Variants in GRAMD1B observed in about 807,000 individuals in gnomAD.
GRAMD1B encodes protein Aster-B.
GRAMD1B carries 37 observed loss-of-function variants against 99.7 expected under a neutral mutation model. That is an observed-to-expected ratio of 0.37 (90% CI 0.29 to 0.49). GRAMD1B has a LOEUF of 0.49. Among genes scored for constraint, GRAMD1B ranks in the 20% least tolerant of loss-of-function variants. GRAMD1B has a pLI of 0.98. For missense variants in GRAMD1B, 888 were observed against 1,009.2 expected, an observed-to-expected ratio of 0.88 and a Z score of 1.63; for synonymous variants, 427 against 387.6, an observed-to-expected ratio of 1.10 and a Z score of -1.19.
intron 1 of GRAMD1B, among the ~76,000 whole-genome samples, chr11:123,461,254 G>T (rs957176571): frequency 1.3e-5 from 2 of 152,214 alleles, no homozygotes; most frequent in African/African-American, 4.8e-5. Flanking sequence ...ACTCCAGGTT[G>T]GCTCCTAAAT....
intron 4 of GRAMD1B, among the ~76,000 whole-genome samples, chr11:123,588,392 A>T (rs1037126360): frequency 1.3e-5 from 2 of 152,114 alleles, no homozygotes; most frequent in African/African-American, 4.8e-5. Flanking sequence ...CCTTCTGCGT[A>T]CGGGACTCAT....
At chr11:123,435,659 G>A in intron 1 of GRAMD1B, 1 of 473,540 alleles carries the variant, frequency 2.1e-6, no homozygotes, top group Non-Finnish European at 3.8e-6. Flanking sequence ...TAGATCTATA[G>A]ATGTTTGTTG....
At position 123,360,768 on chromosome 11, in the gene GRAMD1B, T is replaced by TTTCCTTCCTTCC. The variant is rs35477196; in HGVS notation, c.-176+2026_-176+2037dup. Reference sequence around the variant, plus strand: ...CCTTCTTTCCTTCCTTCCTTCCTTCTTTCCTTCCTTCCTTCCTTCCTTCCT... The same window carrying TTTCCTTCCTTCC: ...CCTTCTTTCCTTCCTTCCTTCCTTCTTTCCTTCCTTCCTTCCTTCCTTCCTTCCTTCCTTCCT... On this transcript the variant is annotated intron_variant, in intron 1 of 20. Transcript: ENST00000638157. Among the ~76,000 whole-genome samples the TTTCCTTCCTTCC allele has an allele frequency of 5.5e-3, 387 of 70,292 alleles. 6 individuals are homozygous for TTTCCTTCCTTCC. Among genetic ancestry groups the TTTCCTTCCTTCC allele is most frequent in the East Asian group, 0.014 (37 of 2,702 alleles). The allele number at this position is 70,292 out of a possible 152,430, so 46.1% of individuals were successfully genotyped here. A position where few individuals can be genotyped will look rare whatever the true frequency, so the allele number is the denominator to read the frequency against.
chr11:123,615,669 A>T (rs572822633), intron 17 of GRAMD1B, among the ~76,000 whole-genome samples: 344 of 152,392 alleles, frequency 2.3e-3, no homozygotes, highest in Non-Finnish European at 4.2e-3. Context: ...TTAGCAAAGC[A>T]TTTCCAAAGA....
intron 2 of GRAMD1B, among the ~76,000 whole-genome samples, chr11:123,543,643 T>A (rs997794528): frequency 1.3e-5 from 2 of 152,246 alleles, no homozygotes; most frequent in East Asian, 3.8e-4. Context: ...CAGAAACTTT[T>A]CTTGGAAGTC....
chr11:123,394,233 A>G (rs546584702), intron 1 of GRAMD1B, among the ~76,000 whole-genome samples: 1 of 152,320 alleles, frequency 6.6e-6, no homozygotes, highest in South Asian at 2.1e-4. Context: ...AAATAAGAAC[A>G]TTATTCTGTC....
At chr11:123,449,035 A>G (rs779307992) in intron 1 of GRAMD1B, among the ~76,000 whole-genome samples, 2 of 152,172 alleles carry the variant, frequency 1.3e-5, no homozygotes, top group African/African-American at 2.4e-5. Context: ...TCTTATTTCC[A>G]GGTTTCATCA....
intron 1 of GRAMD1B, among the ~76,000 whole-genome samples, chr11:123,361,871 G>C (rs1946157908): frequency 6.6e-6 from 1 of 152,230 alleles, no homozygotes; most frequent in Non-Finnish European, 1.5e-5. Context: ...AAGAGAAAGA[G>C]AGAGAGAAAG....
rs1212031944 is a variant in GRAMD1B, at chr11:123,625,031, G to GCT, written c.*2441_*2442dup. ...TTTAAGAATCATGGATCTCTTGTAG[G>GCT]CTCTCTGTGTTCCAATAATTTTTTG... is the stretch of plus-strand genomic sequence containing the variant. On this transcript the variant is annotated 3_prime_UTR_variant, in exon 20 of 20. Transcript: ENST00000635736. The GCT allele has an allele frequency of 2.0e-5, 3 of 152,160 alleles. No homozygotes were observed. Among genetic ancestry groups the GCT allele is most frequent in the Non-Finnish European group, 4.4e-5 (3 of 68,030 alleles). The allele number at this position is 152,160 out of a possible 1,614,324, so 9.4% of individuals were successfully genotyped here.
In GRAMD1B at chr11:123,589,580, A is replaced by C. The variant is rs535596564; in HGVS notation, c.685-4502A>C. 3.5e-4 allele frequency among the ~76,000 whole-genome samples: 52 copies of C among 148,406 alleles called. 1 individual carries two copies. The South Asian group carries it at 0.011, about 30-fold the overall frequency. ...TGCCTCAGCCTCCTGAGTAGCTGGG[A>C]TTACAGACACCTGCCACCATGTGTG... On this transcript the variant is annotated intron_variant, in intron 4 of 19. Coordinates refer to ENST00000635736, the MANE Select transcript of GRAMD1B (RefSeq NM_001387025.1).
At chr11:123,410,071 TC>T (rs1334227183) in intron 1 of GRAMD1B, among the ~76,000 whole-genome samples, 1 of 152,062 alleles carries the variant, frequency 6.6e-6, no homozygotes, top group African/African-American at 2.4e-5. Flanking sequence ...GACAGGCTGA[TC>T]CTAATCAGCA....
chr11:123,414,131 G>A (rs935852569), intron 1 of GRAMD1B, among the ~76,000 whole-genome samples: 6 of 150,654 alleles, frequency 4.0e-5, no homozygotes, highest in African/African-American at 1.2e-4. Context: ...TGCAACCTCC[G>A]CCTCCCAGGT....
Position 123,618,697 on chromosome 11 carries a change from G to A in GRAMD1B, c.2323G>A (p.Val775Met), listed in dbSNP as rs1443449023. The A allele has an allele frequency of 1.3e-6, 2 of 1,557,024 alleles. No homozygotes were observed. The highest frequency in any genetic ancestry group is 1.8e-6 in the Non-Finnish European group (2 of 1,140,402). ...KLLLVISCVLVLLVILNMMLF... is the reference protein window; with the variant it reads ...KLLLVISCVLMLLVILNMMLF... ...TTCCCCACGTCTCCTTCCTAGTCTG[G>A]TGCTGCTGGTCATCCTTAACATGAT... The change falls in exon 18 of 20, where the codon GTG (valine) becomes ATG (methionine). Residue 775 changes from valine (V) to methionine (M), a missense_variant. Val to Met is a conservative substitution (Grantham distance 21, BLOSUM62 1). Transcript: ENST00000635736.
chr11:123,518,799 G>T (rs1264428618), intron 2 of GRAMD1B, among the ~76,000 whole-genome samples: 1 of 152,120 alleles, frequency 6.6e-6, no homozygotes, highest in Non-Finnish European at 1.5e-5. Context: ...CCTCAGTCTT[G>T]CTTCCTCCCC....
intron 17 of GRAMD1B, chr11:123,618,476 C>T (rs1369624659): frequency 2.2e-6 from 2 of 921,046 alleles, no homozygotes; most frequent in Non-Finnish European, 1.8e-6. Flanking sequence ...GTGCCTTCAT[C>T]CCATGCCCCT....
chr11:123,584,233 C>T lies in GRAMD1B; in HGVS notation c.664-79C>T, dbSNP rs1949792257. On this transcript the variant is annotated intron_variant, in intron 3 of 19. Coordinates refer to ENST00000635736, the MANE Select transcript of GRAMD1B (RefSeq NM_001387025.1). ...CTCCTCCCTGCCCACCCTCCGCTGTCTGTGTGCCCTTCCCCCTGGCCCTTC... is the reference window on the plus strand; with the variant it reads ...CTCCTCCCTGCCCACCCTCCGCTGTTTGTGTGCCCTTCCCCCTGGCCCTTC... The T allele has an allele frequency of 3.9e-6, 3 of 771,422 alleles. No homozygotes were observed. In the South Asian group the frequency reaches 4.6e-5, roughly 12 times the overall value. 47.8% of individuals were successfully genotyped at this position (771,422 alleles called of 1,614,324 possible). A position where few individuals can be genotyped will look rare whatever the true frequency, so the allele number is the denominator to read the frequency against.
intron 1 of GRAMD1B, among the ~76,000 whole-genome samples, chr11:123,392,649 T>C (rs1460611469): frequency 6.6e-6 from 1 of 152,168 alleles, no homozygotes; most frequent in Non-Finnish European, 1.5e-5. Context: ...GTCTGTGTCT[T>C]AGTCATCACT....
chr11:123,447,479 G>A (rs1317354936), intron 1 of GRAMD1B, among the ~76,000 whole-genome samples: 6 of 152,132 alleles, frequency 3.9e-5, no homozygotes, highest in African/African-American at 9.7e-5. Flanking sequence ...CGCTCAGGCT[G>A]GGCCCCTCCA....
At chr11:123,461,475 G>C (rs963368341) in intron 1 of GRAMD1B, among the ~76,000 whole-genome samples, 2 of 152,208 alleles carry the variant, frequency 1.3e-5, no homozygotes, top group African/African-American at 4.8e-5. Context: ...TGGCCTCCTA[G>C]AAGTCTCTCC....
Sources: allele counts gnomAD v4.1 joint callset (sites outside exome capture counted in the v4.1 genomes callset), GRCh38; gene constraint gnomAD v4.1.1; transcripts MANE v1.5; gene names NCBI Gene and HGNC (gene_info 2026-07-23, HGNC 2026-07-21).